The following SHROOM2 variants were observed in gnomAD, a reference collection of about 807,000 sequenced individuals.
The protein encoded by SHROOM2 is protein Shroom2.
In SHROOM2, 33 loss-of-function variants were observed where a neutral mutation model predicts 75.9. The observed-to-expected ratio is 0.43, with a 90% confidence interval of 0.33 to 0.58. SHROOM2 has a LOEUF of 0.58. SHROOM2 is among the 20% of genes least tolerant of loss of function. The pLI, the probability that SHROOM2 is intolerant of heterozygous loss-of-function variation, is 0.04. For missense variants in SHROOM2, 1,434 were observed against 1,461.2 expected, an observed-to-expected ratio of 0.98 and a Z score of 0.30; for synonymous variants, 655 against 663.6, an observed-to-expected ratio of 0.99 and a Z score of 0.20.
intron 5 of SHROOM2, among the ~76,000 whole-genome samples, chrX:9,923,035 A>G (rs985040395): frequency 1.8e-5 from 2 of 111,928 alleles, no homozygotes; most frequent in African/African-American, 6.5e-5. Flanking sequence ...GTAATTGCTC[A>G]TTTTGAAAGC....
intron 1 of SHROOM2, among the ~76,000 whole-genome samples, chrX:9,823,009 CTT>C (rs2083861846): frequency 2.3e-5 from 2 of 87,341 alleles, no homozygotes; most frequent in African/African-American, 1.0e-4. Flanking sequence ...TCTTCTTCTT[CTT>C]CTTCTCCTTC....
rs775238729 is a variant in SHROOM2 at position 9,894,370 on chromosome X, C to T, written c.462C>T (p.His154=). ...SGRHHASSSS[H]DLSSSWEQTN... is the part of the protein sequence containing the mutation. ...CTCATTCTTGCAGTTCTTCCTCCCA[C>T]GACCTGTCCAGTTCCTGGGAGCAGA... Residue 154 remains histidine, a synonymous_variant, in exon 4 of 10, where the codon CAC becomes CAT. Transcript: ENST00000380913. 1.2e-4 allele frequency: 142 copies of T among 1,204,210 alleles called. No homozygotes were observed. The highest frequency in any genetic ancestry group is 6.7e-5 in the Non-Finnish European group (60 of 891,419).
At chrX:9,868,068 C>T (rs1373976247) in intron 1 of SHROOM2, among the ~76,000 whole-genome samples, 1 of 110,050 alleles carries the variant, frequency 9.1e-6, no homozygotes, top group East Asian at 2.9e-4. Flanking sequence ...AGACACAGAA[C>T]TGTGTCACCC....
intron 1 of SHROOM2, among the ~76,000 whole-genome samples, chrX:9,797,757 G>C (rs891824904): frequency 8.9e-6 from 1 of 112,131 alleles, no homozygotes; most frequent in Non-Finnish European, 1.9e-5. Flanking sequence ...GAGGCCGGGA[G>C]AATGCCCAGT....
At chrX:9,890,922 G>C in intron 2 of SHROOM2, 55 bp from the exon 3 acceptor site, 1 of 1,138,351 alleles carries the variant, frequency 8.8e-7, no homozygotes, top group Non-Finnish European at 1.2e-6. Context: ...TTTGGCACGA[G>C]AGTGAGCGCT....
At chrX:9,875,794 T>C (rs2084197854) in intron 2 of SHROOM2, among the ~76,000 whole-genome samples, 1 of 113,172 alleles carries the variant, frequency 8.8e-6, no homozygotes, top group Admixed American at 9.3e-5. Flanking sequence ...TATGGTTTTC[T>C]ATTTACATTT....
Position 9,934,553 on chromosome X carries a change from C to G in SHROOM2, c.3587+1683C>G, listed in dbSNP as rs574380233. ...CTATAATAAGATCTCATAGACTGCACGGCTCATTAACAGGAGAAATGTGTG... is the reference window on the plus strand; with the variant it reads ...CTATAATAAGATCTCATAGACTGCAGGGCTCATTAACAGGAGAAATGTGTG... On this transcript the variant is annotated intron_variant, in intron 6 of 9. Transcript: ENST00000380913. Among the ~76,000 whole-genome samples, 23 of 111,332 alleles carry G rather than the reference C, an allele frequency of 2.1e-4. No homozygotes were observed. The South Asian group carries it at 8.0e-3, about 39-fold the overall frequency.
chrX:9,913,927 G>C lies in SHROOM2; in HGVS notation c.2891+15637G>C, dbSNP rs184111983. Among the ~76,000 whole-genome samples, 60 of 111,881 alleles carry C rather than the reference G, an allele frequency of 5.4e-4. No homozygotes were observed. In the East Asian group the frequency reaches 0.015, roughly 28 times the overall value. On this transcript the variant is annotated intron_variant, in intron 5 of 9. Coordinates refer to ENST00000380913, the MANE Select transcript of SHROOM2 (RefSeq NM_001649.4). The stretch of plus-strand genomic sequence containing the variant: ...GAACCTTTGAGGTCATACTCTACAA[G>C]TATTTCTTATTATTTTATTGCGGAA...
Position 9,927,133 on chromosome X carries a change from G to A in SHROOM2, c.2892-5042G>A, listed in dbSNP as rs186429130. On this transcript the variant is annotated intron_variant, in intron 5 of 9. Coordinates refer to ENST00000380913, the MANE Select transcript of SHROOM2 (RefSeq NM_001649.4). ...GGAGGCCAAGGCAAAAGGATCACTT[G>A]AGCCCAGGAGTTTGAGGCCAGCATG... 9.9e-3 allele frequency among the ~76,000 whole-genome samples: 1,090 copies of A among 110,140 alleles called. 4 individuals carry two copies. Among genetic ancestry groups the A allele is most frequent in the Non-Finnish European group, 0.015 (782 of 52,826 alleles).
intron 1 of SHROOM2, among the ~76,000 whole-genome samples, chrX:9,809,938 A>G (rs1305084144): frequency 8.9e-6 from 1 of 112,666 alleles, no homozygotes; most frequent in Non-Finnish European, 1.9e-5. Flanking sequence ...GGCCTCCCAA[A>G]GTGCTGGGAT....
chrX:9,891,985 C>T (rs1043754349), intron 3 of SHROOM2, among the ~76,000 whole-genome samples: 4 of 109,843 alleles, frequency 3.6e-5, no homozygotes, highest in Non-Finnish European at 5.7e-5. Context: ...CTTGGCTGGG[C>T]GCAATGGTTC....
At chrX:9,800,478 T>G (rs916790070) in intron 1 of SHROOM2, among the ~76,000 whole-genome samples, 1 of 109,677 alleles carries the variant, frequency 9.1e-6, no homozygotes, top group African/African-American at 3.3e-5. Flanking sequence ...GTAGCTGGGA[T>G]TACAGGCACC....
At chrX:9,804,827 G>A (rs2083742768) in intron 1 of SHROOM2, among the ~76,000 whole-genome samples, 1 of 111,714 alleles carries the variant, frequency 9.0e-6, no homozygotes, top group Admixed American at 9.6e-5. Context: ...CCTGGGCTCT[G>A]TAGAACCCCT....
At chrX:9,819,946 A>C (rs1340001112) in intron 1 of SHROOM2, among the ~76,000 whole-genome samples, 1 of 108,700 alleles carries the variant, frequency 9.2e-6, no homozygotes, top group African/African-American at 3.4e-5. Context: ...GGCACCTGCC[A>C]CCACACCCAG....
At chrX:9,877,541 T>C (rs1267937140) in intron 2 of SHROOM2, among the ~76,000 whole-genome samples, 6 of 111,421 alleles carry the variant, frequency 5.4e-5, no homozygotes, top group Non-Finnish European at 1.1e-4. Context: ...CCTTTTATTA[T>C]GTGTATGTGT....
At chrX:9,843,781 T>C (rs1216464279) in intron 1 of SHROOM2, among the ~76,000 whole-genome samples, 1 of 112,670 alleles carries the variant, frequency 8.9e-6, no homozygotes, top group Non-Finnish European at 1.9e-5. Context: ...TATTGATGAC[T>C]CTGACCTTTT....
At chrX:9,831,024 C>T (rs899420804) in intron 1 of SHROOM2, among the ~76,000 whole-genome samples, 3 of 111,805 alleles carry the variant, frequency 2.7e-5, no homozygotes, top group Non-Finnish European at 3.8e-5. Context: ...TTCTGTTGTG[C>T]GTTAGAGGAA....
intron 1 of SHROOM2, among the ~76,000 whole-genome samples, chrX:9,859,650 C>T (rs1185246752): frequency 1.8e-5 from 2 of 111,229 alleles, no homozygotes; most frequent in Non-Finnish European, 3.8e-5. Context: ...CAGAGGGGAC[C>T]CAGTAAACAA....
chrX:9,864,647 A>G, intron 1 of SHROOM2, among the ~76,000 whole-genome samples: 1 of 109,131 alleles, frequency 9.2e-6, no homozygotes, highest in Non-Finnish European at 1.9e-5. Flanking sequence ...AAAACGGTGA[A>G]ACCCCGTCTC....
Sources: allele counts gnomAD v4.1 joint callset (sites outside exome capture counted in the v4.1 genomes callset), GRCh38; gene constraint gnomAD v4.1.1; transcripts MANE v1.5; gene names NCBI Gene and HGNC (gene_info 2026-07-23, HGNC 2026-07-21).